MAPK15: variants seen among roughly 807,000 people sequenced by gnomAD.
The protein encoded by MAPK15 is mitogen-activated protein kinase 15.
In MAPK15, 61 loss-of-function variants were observed where a neutral mutation model predicts 60.8. That is an observed-to-expected ratio of 1.00 (90% CI 0.82 to 1.24). The LOEUF is 1.24. MAPK15 is among the 50% of genes most tolerant of loss of function. The pLI, the probability that MAPK15 is intolerant of heterozygous loss-of-function variation, is 0.00. For synonymous variants in MAPK15, 356 were observed against 319.9 expected, an observed-to-expected ratio of 1.11 and a Z score of -1.21; for missense variants, 808 against 741.1, an observed-to-expected ratio of 1.09 and a Z score of -1.05.
chr8:143,717,111 C>G (rs1332029883), intron 1 of MAPK15, among the ~76,000 whole-genome samples: 4 of 152,094 alleles, frequency 2.6e-5, no homozygotes, highest in Admixed American at 2.6e-4. Context: ...CTTTGGGGAA[C>G]TTCCAAGACT....
chr8:143,718,273 G>A lies in MAPK15; in HGVS notation c.257G>A (p.Arg86Lys), dbSNP rs1554618814. ...LLDVIRAEND[R>K]DIYLVFEFMD... ...GACGTGATCCGGGCAGAGAACGACA[G>A]GGACATTTACCTGGTGTTTGAGTTT... Residue 86 changes from arginine (R) to lysine (K), a missense_variant, in exon 4 of 14, where the codon AGG (arginine) becomes AAG (lysine). By Grantham distance (26) the Arg-to-Lys change is conservative. Coordinates refer to ENST00000338033, the MANE Select transcript of MAPK15 (RefSeq NM_139021.3). 1 of 1,614,128 alleles carries A rather than the reference G, an allele frequency of 6.2e-7. No individual in the cohort carries two copies.
chr8:143,720,835 G>A lies in MAPK15; in HGVS notation c.912G>A (p.Val304=). ...CCCAGGCACTGCAGCACCCCTACGT[G>A]CAGAGGTGGGGGTGGGAGAGAGTCC... ...SATQALQHPY[V]QRFHCPSDEW... is the part of the protein sequence containing the mutation. Residue 304 remains valine (V), a synonymous_variant, in exon 9 of 14, where the codon GTG becomes GTA. Transcript: ENST00000338033. This position sits in a 1 kb window ranked among gnomAD's most constrained non-coding sequence, Gnocchi z 4.6. 3.1e-6 allele frequency: 5 copies of A among 1,612,226 alleles called. No homozygotes were observed. Among genetic ancestry groups the A allele is most frequent in the Non-Finnish European group, 3.4e-6 (4 of 1,179,692 alleles).
rs1554619848 is a variant in MAPK15, at chr8:143,721,565, C to G, written c.1221C>G (p.Ala407=). The stretch of plus-strand genomic sequence containing the variant: ...ACCCCACAGAGTCCCCCCGTGCAGC[C>G]AAGAACGTTCCCAGGCAGAACTCCG... ...DPAEHESPRA[A]KNVPRQNSAP... is the part of the protein sequence containing the mutation. Residue 407 remains alanine (A), a synonymous_variant, in exon 12 of 14, where the codon GCC becomes GCG. Coordinates refer to ENST00000338033, the MANE Select transcript of MAPK15 (RefSeq NM_139021.3). 1 of 1,613,756 alleles carries G rather than the reference C, an allele frequency of 6.2e-7. No individual in the cohort carries two copies. The highest frequency in any genetic ancestry group is 1.1e-5 in the South Asian group (1 of 91,024).
Position 143,717,688 on chromosome 8 carries a change from T to TC in MAPK15, c.67-3dup. 1 of 1,599,128 alleles carries TC rather than the reference T, an allele frequency of 6.3e-7. No individual in the cohort carries two copies. The highest frequency in any genetic ancestry group is 8.5e-7 in the Non-Finnish European group (1 of 1,173,600). On this transcript the variant is annotated splice_region_variant and splice_polypyrimidine_tract_variant and intron_variant, in intron 1 of 13. Coordinates refer to ENST00000338033, the MANE Select transcript of MAPK15 (RefSeq NM_139021.3). Reference sequence around the variant, plus strand: ...GCTGGCCCTGTGTGACGGCACTCCTTCCCAGGCCTATGGCATTGTGTGGAA... The same window carrying TC: ...GCTGGCCCTGTGTGACGGCACTCCTTCCCCAGGCCTATGGCATTGTGTGGAA...
chr8:143,720,098 C>A lies in MAPK15; in HGVS notation c.722-132C>A. 2 of 1,354,396 alleles carry A rather than the reference C, an allele frequency of 1.5e-6. No homozygotes were observed. Among genetic ancestry groups the A allele is most frequent in the Non-Finnish European group, 2.0e-6 (2 of 997,142 alleles). 83.9% of individuals were successfully genotyped at this position (1,354,396 alleles called of 1,614,324 possible). A position where few individuals can be genotyped will look rare whatever the true frequency, so the allele number is the denominator to read the frequency against. ...ACGCCCTGGTGATGGGGTGTTTGAG[C>A]CCCGCCAGACAGCAGAAACCCTGTA... On this transcript the variant is annotated intron_variant, in intron 7 of 13. Transcript: ENST00000338033. The surrounding 1 kb of genome is among the most constrained non-coding windows in gnomAD (Gnocchi z 4.6).
At chr8:143,718,721 C>CCCGGTG in intron 4 of MAPK15, 54 bp from the exon 5 acceptor site, 8 of 796,226 alleles carry the variant, frequency 1.0e-5, no homozygotes, top group Non-Finnish European at 1.4e-5. Flanking sequence ...CCACTCCCCC[C>CCCGGTG]AGGTTGCCCC....
Position 143,719,510 on chromosome 8 carries a change from C to T in MAPK15, c.721+28C>T, listed in dbSNP as rs894484024. ...GAGCCAGGCTGCTGGGGCTGGGCAC[C>T]GGGAATGCTGCAGGTCAGACAGCAC... On this transcript the variant is annotated intron_variant, in intron 7 of 13. Coordinates refer to ENST00000338033, the MANE Select transcript of MAPK15 (RefSeq NM_139021.3). The T allele has an allele frequency of 5.0e-6, 8 of 1,603,418 alleles. No homozygotes were observed. The African/African-American group carries it at 6.7e-5, about 13-fold the overall frequency.
At position 143,722,191 on chromosome 8, in the gene MAPK15, C is replaced by T. The variant is rs200082081; in HGVS notation, c.1575C>T (p.Tyr525=). The change falls in exon 14 of 14, where the codon TAC becomes TAT. Residue 525 remains tyrosine (Y), a synonymous_variant. Transcript: ENST00000338033. ...RALLGGYSQA[Y]GTVCHSALGH... Reference sequence around the variant, plus strand: ...TGCTTGGAGGCTACTCCCAAGCCTACGGGACTGTCTGCCACTCGGCACTGG... The same window carrying T: ...TGCTTGGAGGCTACTCCCAAGCCTATGGGACTGTCTGCCACTCGGCACTGG... 212 of 1,609,256 alleles carry T rather than the reference C, an allele frequency of 1.3e-4. No individual in the cohort carries two copies. The highest frequency in any genetic ancestry group is 6.6e-4 in the Middle Eastern group (4 of 6,040).
intron 4 of MAPK15, 188 bp downstream of exon 4, chr8:143,718,490 C>T (rs2131574243): frequency 3.0e-5 from 20 of 657,474 alleles, no homozygotes; most frequent in Middle Eastern, 4.1e-4. Flanking sequence ...CAGCAGCGAC[C>T]CCTTTCGTCC....
rs1587440944 is a variant in MAPK15, at chr8:143,721,030, A to C, written c.948A>C (p.Arg316=). The change falls in exon 10 of 14, where the codon CGA becomes CGC. Residue 316 remains arginine, a synonymous_variant. Transcript: ENST00000338033. The stretch of plus-strand genomic sequence containing the variant: ...ACTGCCCCAGCGACGAGTGGGCACG[A>C]GAGGCAGATGTGCGGCCCCGGGCAC... ...RFHCPSDEWA[R]EADVRPRAHE... The C allele has an allele frequency of 1.2e-6, 2 of 1,611,674 alleles. No homozygotes were observed. The highest frequency in any genetic ancestry group is 2.7e-5 in the African/African-American group (2 of 74,914).
intron 2 of MAPK15, 24 bp from the exon 3 acceptor site, chr8:143,718,023 A>C: frequency 1.2e-6 from 2 of 1,614,002 alleles, no homozygotes; most frequent in Non-Finnish European, 8.5e-7. Context: ...ACCCACCCAC[A>C]CACCTGTGTT....
chr8:143,718,161 C>T (rs1554618768), intron 3 of MAPK15, 51 bp from the exon 4 acceptor site: 2 of 1,612,854 alleles, frequency 1.2e-6, no homozygotes. Context: ...TTCTTGGGCC[C>T]CAGAGCACAG....
chr8:143,719,136 G>A lies in MAPK15; in HGVS notation c.561G>A (p.Glu187=), dbSNP rs1817938893. ...YVATRWYRAP[E]VLLSSHRYTL... is the part of the protein sequence containing the mutation. ...CCACACGCTGGTACCGAGCACCGGA[G>A]GTGCTGCTCTCTTCGCACCGGTAAT... Residue 187 remains glutamate, a synonymous_variant, in exon 6 of 14, where the codon GAG becomes GAA. Coordinates refer to ENST00000338033, the MANE Select transcript of MAPK15 (RefSeq NM_139021.3). 1.3e-6 allele frequency: 2 copies of A among 1,551,914 alleles called. No individual in the cohort carries two copies. Among genetic ancestry groups the A allele is most frequent in the Non-Finnish European group, 1.7e-6 (2 of 1,148,300 alleles).
At position 143,717,679 on chromosome 8, in the gene MAPK15, G is replaced by C. The variant is rs782559743; in HGVS notation, c.67-15G>C. Reference sequence around the variant, plus strand: ...GGGGAAGGGGCTGGCCCTGTGTGACGGCACTCCTTCCCAGGCCTATGGCAT... The same window carrying C: ...GGGGAAGGGGCTGGCCCTGTGTGACCGCACTCCTTCCCAGGCCTATGGCAT... On this transcript the variant is annotated splice_polypyrimidine_tract_variant and intron_variant, in intron 1 of 13. Transcript: ENST00000338033. 1.3e-6 allele frequency: 2 copies of C among 1,588,164 alleles called. No individual in the cohort carries two copies. The highest frequency in any genetic ancestry group is 1.1e-5 in the South Asian group (1 of 87,078).
Position 143,720,484 on chromosome 8 carries a change from G to A in MAPK15, c.779+197G>A, listed in dbSNP as rs1818002259. On this transcript the variant is annotated intron_variant, in intron 8 of 13. Transcript: ENST00000338033. The surrounding 1 kb of genome is among the most constrained non-coding windows in gnomAD (Gnocchi z 4.6). ...TGGTGCTCCTAGAGGGTGGCCCAGA[G>A]GAGCTGTGCCAGGGCGTGGAGAGGA... 1 of 1,449,210 alleles carries A rather than the reference G, an allele frequency of 6.9e-7. No homozygotes were observed. Among genetic ancestry groups the A allele is most frequent in the Non-Finnish European group, 9.1e-7 (1 of 1,097,838 alleles). 89.8% of individuals were successfully genotyped at this position (1,449,210 alleles called of 1,614,324 possible).
intron 1 of MAPK15, among the ~76,000 whole-genome samples, chr8:143,717,467 G>C (rs1223795828): frequency 6.6e-6 from 1 of 152,124 alleles, no homozygotes; most frequent in Non-Finnish European, 1.5e-5. Context: ...CCCCTCTGTG[G>C]CCTCCTTTCC....
chr8:143,717,432 G>A (rs905260134), intron 1 of MAPK15, among the ~76,000 whole-genome samples: 18 of 152,106 alleles, frequency 1.2e-4, no homozygotes, highest in Admixed American at 6.5e-5. Context: ...GGGCATCCCC[G>A]AGCTTCATTT....
intron 13 of MAPK15, 64 bp from the exon 14 acceptor site, chr8:143,722,011 C>G (rs1407911565): frequency 1.3e-6 from 2 of 1,556,784 alleles, no homozygotes; most frequent in Non-Finnish European, 8.7e-7. Context: ...TCGAGGACCT[C>G]AAGGCCTCCC....
rs1000396823 is a variant in MAPK15 at position 143,720,644 on chromosome 8, A to G, written c.780-59A>G. The G allele has an allele frequency of 1.5e-4, 240 of 1,563,768 alleles. No individual in the cohort carries two copies. Among genetic ancestry groups the G allele is most frequent in the Non-Finnish European group, 2.0e-4 (228 of 1,153,590 alleles). ...GGAAGCTGAGCCCCCAGCCACGAAC[A>G]TGGATCTGAGGAGGGGCCCTTGGGT... is the stretch of plus-strand genomic sequence containing the variant. On this transcript the variant is annotated intron_variant, in intron 8 of 13. Coordinates refer to ENST00000338033, the MANE Select transcript of MAPK15 (RefSeq NM_139021.3). This position sits in a 1 kb window ranked among gnomAD's most constrained non-coding sequence, Gnocchi z 4.6.
Sources: gnomAD v4.1 joint callset for allele counts (sites outside exome capture counted in the v4.1 genomes callset) on GRCh38, gnomAD v4.1.1 for gene constraint, Gnocchi (gnomAD v3.1) non-coding constraint, MANE v1.5 for transcripts, NCBI Gene and HGNC (gene_info 2026-07-23, HGNC 2026-07-21) for gene names.